The following ZSWIM7 variants were observed in gnomAD, a reference collection of about 807,000 sequenced individuals.
ZSWIM7 encodes zinc finger SWIM-type containing 7, also known as zinc finger SWIM domain-containing protein 7.
In ZSWIM7, 22 loss-of-function variants were observed where a neutral mutation model predicts 21.1. The observed-to-expected ratio is 1.04, with a 90% CI of 0.74 to 1.49. The LOEUF is 1.49. Ranked by LOEUF, ZSWIM7 falls within the 40% of genes most tolerant of loss-of-function variation. The probability of loss-of-function intolerance (pLI) is 0.00; values close to 1 mark genes in which losing one functional copy is unlikely to be tolerated. For synonymous variants in ZSWIM7, 67 were observed against 66.5 expected (o/e 1.01, Z -0.04); for missense variants, 193 against 168.0 (o/e 1.15, Z -0.82).
At chr17:15,989,398 A>C (rs1220739161) in intron 2 of ZSWIM7, among the ~76,000 whole-genome samples, 2 of 152,018 alleles carry the variant, frequency 1.3e-5, no homozygotes, top group East Asian at 3.9e-4. Context: ...GCTCACTGCA[A>C]CTTCTGCCTC....
chr17:15,993,825 A>T (rs1218450141), intron 1 of ZSWIM7, 47 bp from the exon 2 acceptor site: 1 of 1,402,640 alleles, frequency 7.1e-7, no homozygotes, highest in African/African-American at 1.4e-5. Flanking sequence ...TTAAGCAGTG[A>T]CCATTGACAT....
intron 3 of ZSWIM7, among the ~76,000 whole-genome samples, chr17:15,985,022 T>C (rs1038512563): frequency 6.6e-6 from 1 of 152,094 alleles, no homozygotes; most frequent in Non-Finnish European, 1.5e-5. Context: ...GTATAAAAAG[T>C]GGCCAGGAGT....
At chr17:15,994,584 CAT>C (rs1970525761) in intron 1 of ZSWIM7, among the ~76,000 whole-genome samples, 1 of 152,172 alleles carries the variant, frequency 6.6e-6, no homozygotes, top group South Asian at 2.1e-4. Flanking sequence ...GCCTTTCCCT[CAT>C]TCTGGCAAGA....
In ZSWIM7 at chr17:15,993,007, T is replaced by C. The variant is rs377560977; in HGVS notation, c.98+750A>G. Among the ~76,000 whole-genome samples, 4 of 151,832 alleles carry C rather than the reference T, an allele frequency of 2.6e-5. No individual in the cohort carries two copies. In the East Asian group the frequency reaches 7.8e-4, roughly 30 times the overall value. On this transcript the variant is annotated intron_variant, in intron 2 of 4. Coordinates refer to ENST00000399277, the MANE Select transcript of ZSWIM7 (RefSeq NM_001042697.2). Reference sequence around the variant, plus strand: ...AATTCTCCTGCCTTAGCCTCCCAAGTAGCTGAGATTACAGGTGTGTGCCAC... The same window carrying C: ...AATTCTCCTGCCTTAGCCTCCCAAGCAGCTGAGATTACAGGTGTGTGCCAC...
At chr17:15,993,348 T>TTTTA (rs149424883) in intron 2 of ZSWIM7, among the ~76,000 whole-genome samples, 7,178 of 142,336 alleles carry the variant, frequency 0.05, 248 homozygotes, top group African/African-American at 0.1. Flanking sequence ...TTATTTTTTA[T>TTTTA]TTTATTTATT....
chr17:15,999,646 C>G lies in ZSWIM7; in HGVS notation c.-52G>C, dbSNP rs1254663541. The G allele has an allele frequency of 6.4e-7, 1 of 1,565,238 alleles. No homozygotes were observed. The highest frequency in any genetic ancestry group is 8.6e-7 in the Non-Finnish European group (1 of 1,156,160). On this transcript the variant is annotated 5_prime_UTR_variant, in exon 1 of 5. Coordinates refer to ENST00000399277, the MANE Select transcript of ZSWIM7 (RefSeq NM_001042697.2). ...CCGGCGGACCGCCGCGACGCTCCAG[C>G]TGACTGCGCCTACCTGTGGAGGATC... is the stretch of plus-strand genomic sequence containing the variant.
intron 4 of ZSWIM7, among the ~76,000 whole-genome samples, chr17:15,978,512 C>T (rs1413978269): frequency 1.3e-5 from 2 of 152,140 alleles, no homozygotes; most frequent in African/African-American, 2.4e-5. Flanking sequence ...CCATGAGAAT[C>T]GCTTGAACCC....
intron 1 of ZSWIM7, among the ~76,000 whole-genome samples, chr17:15,995,374 T>C (rs11078320): frequency 0.63 from 94,983 of 151,166 alleles, 31,036 homozygotes; most frequent in African/African-American, 0.81. Context: ...TTCAAGCAAT[T>C]CTCCTGCCTC....
At chr17:15,999,363 G>C (rs530965208) in intron 1 of ZSWIM7, 156 bp downstream of exon 1, 2 of 1,019,554 alleles carry the variant, frequency 2.0e-6, no homozygotes, top group Non-Finnish European at 2.9e-6. Context: ...TTGTTGTTTT[G>C]TTTTTTTGTC....
chr17:15,993,277 T>C (rs2324084), intron 2 of ZSWIM7, among the ~76,000 whole-genome samples: 68,922 of 151,868 alleles, frequency 0.45, 16,640 homozygotes, highest in Middle Eastern at 0.59. Flanking sequence ...CCTCCTGCCT[T>C]TGCCTCCCAA....
rs58918337 is a variant in ZSWIM7, at chr17:15,983,344, CAAAAAA to C, written c.202-2206_202-2201del. On this transcript the variant is annotated intron_variant, in intron 3 of 4. Transcript: ENST00000399277. ...TGGGTGACAGGGCAAGACTCTGTCT[CAAAAAA>C]AAAAAAAAAAAAAAAAAAGATTTCC... is the stretch of plus-strand genomic sequence containing the variant. 4.0e-4 allele frequency among the ~76,000 whole-genome samples: 18 copies of C among 44,612 alleles called. No individual in the cohort carries two copies. In the South Asian group the frequency reaches 7.2e-3, roughly 18 times the overall value. 29.3% of individuals were successfully genotyped at this position (44,612 alleles called of 152,430 possible).
rs374774294 is a variant in ZSWIM7 at position 15,994,977 on chromosome 17, A to G, written c.77-1199T>C. Among the ~76,000 whole-genome samples, 4 of 152,366 alleles carry G rather than the reference A, an allele frequency of 2.6e-5. No homozygotes were observed. The East Asian group carries it at 5.8e-4, about 22-fold the overall frequency. Reference sequence around the variant, plus strand: ...CCAGACAACAAAGGAAAAAGGAAATAGAATAAAACAAACAGAAGAAAGTTA... The same window carrying G: ...CCAGACAACAAAGGAAAAAGGAAATGGAATAAAACAAACAGAAGAAAGTTA... On this transcript the variant is annotated intron_variant, in intron 1 of 4. Transcript: ENST00000399277.
chr17:15,996,241 T>G (rs1387700197), intron 1 of ZSWIM7, among the ~76,000 whole-genome samples: 1 of 151,554 alleles, frequency 6.6e-6, no homozygotes, highest in African/African-American at 2.4e-5. Flanking sequence ...AGGCAGAGGG[T>G]GCGGTGAGCA....
At chr17:15,996,875 TG>T (rs1970561709) in intron 1 of ZSWIM7, among the ~76,000 whole-genome samples, 1 of 148,134 alleles carries the variant, frequency 6.8e-6, no homozygotes, top group Admixed American at 6.7e-5. Flanking sequence ...AAATTTTACA[TG>T]GGCCGGGTGC....
At chr17:15,983,344 CAA>C (rs58918337) in intron 3 of ZSWIM7, among the ~76,000 whole-genome samples, 11 of 44,608 alleles carry the variant, frequency 2.5e-4, no homozygotes, top group African/African-American at 4.8e-4. Flanking sequence ...GACTCTGTCT[CAA>C]AAAAAAAAAA....
chr17:15,981,021 G>T lies in ZSWIM7; in HGVS notation c.306+19C>A, dbSNP rs535793813. On this transcript the variant is annotated intron_variant, in intron 4 of 4. Transcript: ENST00000399277. ...TCTCTACATTCAACTACAGTGGGAA[G>T]AGTCTTCCCCATCCTCACCAGGATG... The T allele has an allele frequency of 1.9e-4, 308 of 1,585,172 alleles. 3 individuals carry two copies. The South Asian group carries it at 3.2e-3, about 16-fold the overall frequency.
At chr17:15,997,683 G>T (rs1038490734) in intron 1 of ZSWIM7, among the ~76,000 whole-genome samples, 3 of 152,044 alleles carry the variant, frequency 2.0e-5, no homozygotes, top group Non-Finnish European at 4.4e-5. Context: ...AGAAAACAGG[G>T]CTTCTGAAAA....
At chr17:15,983,215 G>T (rs1378417115) in intron 3 of ZSWIM7, among the ~76,000 whole-genome samples, 1 of 151,326 alleles carries the variant, frequency 6.6e-6, no homozygotes, top group African/African-American at 2.4e-5. Flanking sequence ...TGTGGTGGCG[G>T]GTGCCTGTAA....
chr17:15,987,392 T>C, intron 2 of ZSWIM7, 24 bp from the exon 3 acceptor site: 1 of 1,592,338 alleles, frequency 6.3e-7, no homozygotes, highest in Non-Finnish European at 8.6e-7. Context: ...ACACTTCAGA[T>C]TAGAAGGCCT....
Sources: allele counts gnomAD v4.1 joint callset (sites outside exome capture counted in the v4.1 genomes callset), GRCh38; gene constraint gnomAD v4.1.1; transcripts MANE v1.5; gene names NCBI Gene and HGNC (gene_info 2026-07-23, HGNC 2026-07-21).